The following SUMF1 variants were observed in gnomAD, a reference collection of about 807,000 sequenced individuals.
SUMF1 encodes sulfatase modifying factor 1.
In SUMF1, 48 loss-of-function variants were observed where a neutral mutation model predicts 47.6. The ratio of observed to expected loss-of-function variants is 1.01; its 90% CI spans 0.80 to 1.28. The LOEUF is 1.28. SUMF1 is among the 50% of genes most tolerant of loss of function. The probability of loss-of-function intolerance (pLI) is 0.00; values close to 1 mark genes in which losing one functional copy is unlikely to be tolerated. For missense variants in SUMF1, 571 were observed against 485.4 expected (o/e 1.18, Z -1.66); for synonymous variants, 230 against 192.1 (o/e 1.20, Z -1.63).
At chr3:4,083,158 G>T (rs1225680862) in intron 8 of SUMF1, among the ~76,000 whole-genome samples, 1 of 152,140 alleles carries the variant, frequency 6.6e-6, no homozygotes, top group Admixed American at 6.5e-5. Context: ...GGATGCAGCT[G>T]TGTTCTAACA....
rs1192517105 is a variant in SUMF1 at position 4,267,543 on chromosome 3, T to G, written c.1014+108787A>C. On this transcript the variant is annotated intron_variant and NMD_transcript_variant, in intron 8 of 12. Coordinates refer to the SUMF1 transcript ENST00000448413. The stretch of plus-strand genomic sequence containing the variant: ...TGTTTGTAGTATTCTCTGATGGTAG[T>G]TTGTATTTCTGTGGGATCGGTGGTG... Among the ~76,000 whole-genome samples the G allele has an allele frequency of 3.9e-5, 6 of 152,294 alleles. 1 individual carries two copies. The highest frequency in any genetic ancestry group is 2.1e-4 in the South Asian group (1 of 4,826).
intron 8 of SUMF1, among the ~76,000 whole-genome samples, chr3:4,254,543 G>A (rs1450088759): frequency 6.7e-6 from 1 of 149,038 alleles, no homozygotes; most frequent in Non-Finnish European, 1.5e-5. Context: ...ATGAAATGAA[G>A]TGAGAAGGGA....
chr3:4,295,487 T>C (rs1180551882), intron 8 of SUMF1, among the ~76,000 whole-genome samples: 1 of 151,984 alleles, frequency 6.6e-6, no homozygotes, highest in Non-Finnish European at 1.5e-5. Flanking sequence ...TCTAGTACTC[T>C]AGAAAAAATT....
At chr3:4,167,937 A>G (rs1004537981) in intron 8 of SUMF1, among the ~76,000 whole-genome samples, 4 of 152,158 alleles carry the variant, frequency 2.6e-5, no homozygotes, top group African/African-American at 9.7e-5. Flanking sequence ...TGCTTCTTGG[A>G]AAGCCCAGCA....
chr3:4,457,009 CGT>C lies in SUMF1; in HGVS notation c.271-3962_271-3961del, dbSNP rs765895217. On this transcript the variant is annotated intron_variant, in intron 1 of 8. Coordinates refer to ENST00000272902, the MANE Select transcript of SUMF1 (RefSeq NM_182760.4). Reference sequence around the variant, plus strand: ...ATATATACGTGTGTGTATATATATACGTGTGTGTACATATATATACGTGTGTG... The same window carrying C: ...ATATATACGTGTGTGTATATATATACGTGTGTACATATATATACGTGTGTG... 3.2e-4 allele frequency among the ~76,000 whole-genome samples: 21 copies of C among 64,702 alleles called. No homozygotes were observed. In the East Asian group the frequency reaches 4.8e-3, roughly 15 times the overall value. The allele number at this position is 64,702 out of a possible 152,430, so 42.4% of individuals were successfully genotyped here.
intron 8 of SUMF1, among the ~76,000 whole-genome samples, chr3:4,375,610 GA>G (rs1700302910): frequency 6.6e-6 from 1 of 152,140 alleles, no homozygotes; most frequent in African/African-American, 2.4e-5. Context: ...CACCTGGACT[GA>G]ATAAATTCCT....
At chr3:4,161,341 A>G (rs1694571781) in intron 8 of SUMF1, among the ~76,000 whole-genome samples, 1 of 152,028 alleles carries the variant, frequency 6.6e-6, no homozygotes, top group South Asian at 2.1e-4. Flanking sequence ...GCCCTCTACA[A>G]TCAGCAGGTG....
intron 8 of SUMF1, among the ~76,000 whole-genome samples, chr3:4,087,450 G>A (rs1004833627): frequency 3.3e-5 from 5 of 152,222 alleles, no homozygotes; most frequent in African/African-American, 1.2e-4. Flanking sequence ...CTAAAGCTCA[G>A]TAAAAGGCAG....
intron 9 of SUMF1, among the ~76,000 whole-genome samples, chr3:4,056,021 T>C (rs1448499581): frequency 6.6e-6 from 1 of 152,170 alleles, no homozygotes; most frequent in Admixed American, 6.6e-5. Context: ...CAATTCCCTG[T>C]TCCACTTTTA....
chr3:4,465,707 A>C (rs1434182409), intron 1 of SUMF1, among the ~76,000 whole-genome samples: 2 of 152,040 alleles, frequency 1.3e-5, no homozygotes, highest in Admixed American at 1.3e-4. Flanking sequence ...CCAGGTATCA[A>C]CCTCCTACAC....
intron 9 of SUMF1, among the ~76,000 whole-genome samples, chr3:4,043,028 G>T (rs1319319562): frequency 6.6e-6 from 1 of 152,130 alleles, no homozygotes; most frequent in Non-Finnish European, 1.5e-5. Flanking sequence ...CTGGCTAATA[G>T]AAAGACCAAA....
intron 8 of SUMF1, among the ~76,000 whole-genome samples, chr3:4,085,424 A>G (rs1692651048): frequency 6.6e-6 from 1 of 151,990 alleles, no homozygotes. Flanking sequence ...ACCAGTGATG[A>G]TCTTTCTTCA....
chr3:4,355,262 G>C (rs962912109), intron 8 of SUMF1, among the ~76,000 whole-genome samples: 1 of 151,046 alleles, frequency 6.6e-6, no homozygotes, highest in Non-Finnish European at 1.5e-5. Context: ...AGGCTGAGGT[G>C]GGGGGGATCA....
chr3:4,378,943 A>G (rs1010041573), intron 7 of SUMF1, among the ~76,000 whole-genome samples: 1 of 152,216 alleles, frequency 6.6e-6, no homozygotes, highest in Admixed American at 6.5e-5. Flanking sequence ...TTTCATCATC[A>G]ACTTCAATGA....
chr3:4,143,007 C>T (rs1487818456), intron 8 of SUMF1, among the ~76,000 whole-genome samples: 1 of 152,054 alleles, frequency 6.6e-6, no homozygotes, highest in East Asian at 1.9e-4. Context: ...AAAGAATACT[C>T]TGACAAAGTT....
chr3:4,159,478 T>C lies in SUMF1; in HGVS notation c.1015-90733A>G, dbSNP rs1189885737. Among the ~76,000 whole-genome samples the C allele has an allele frequency of 1.4e-5, 2 of 146,694 alleles. 1 individual carries two copies. Among genetic ancestry groups the C allele is most frequent in the African/African-American group, 5.5e-5 (2 of 36,218 alleles). On this transcript the variant is annotated intron_variant and NMD_transcript_variant, in intron 8 of 12. Coordinates refer to the SUMF1 transcript ENST00000448413. ...ATTTTGCCCAGTTTTAAACCTTTTG[T>C]TTTTTCTATTTATATCTTACTGTAC...
At chr3:4,266,211 G>A (rs889914322) in intron 8 of SUMF1, among the ~76,000 whole-genome samples, 5 of 152,124 alleles carry the variant, frequency 3.3e-5, no homozygotes, top group East Asian at 1.9e-4. Flanking sequence ...TTGGCCACAC[G>A]GGCTCTTTTT....
chr3:4,250,442 G>C (rs906293616), intron 8 of SUMF1, among the ~76,000 whole-genome samples: 2 of 152,134 alleles, frequency 1.3e-5, no homozygotes, highest in Non-Finnish European at 1.5e-5. Flanking sequence ...AGAAGCAAGA[G>C]CGGATGGAGA....
chr3:4,403,547 G>C (rs973827121), intron 7 of SUMF1, among the ~76,000 whole-genome samples: 1 of 152,182 alleles, frequency 6.6e-6, no homozygotes, highest in Non-Finnish European at 1.5e-5. Context: ...AGAAAGATGG[G>C]TGGGGCAGGG....
Sources: allele counts gnomAD v4.1 joint callset (sites outside exome capture counted in the v4.1 genomes callset), GRCh38; gene constraint gnomAD v4.1.1; transcripts MANE v1.5; gene names NCBI Gene and HGNC (gene_info 2026-07-23, HGNC 2026-07-21).